Variants in CDKL5 observed in about 807,000 individuals in gnomAD.
The protein encoded by CDKL5 is cyclin dependent kinase like 5, also known as cyclin-dependent kinase-like 5.
CDKL5 carries 8 observed loss-of-function variants against 61.7 expected under a neutral mutation model. The observed-to-expected ratio is 0.13, with a 90% confidence interval of 0.08 to 0.23. CDKL5 has a LOEUF of 0.23. CDKL5 is among the 10% of genes least tolerant of loss of function. CDKL5 has a pLI of 1.00. For synonymous variants in CDKL5, 275 were observed against 272.3 expected (o/e 1.01, Z -0.10); for missense variants, 440 against 734.5 (o/e 0.60, Z 4.63).
chrX:18,438,190 C>A (rs1005754453), intron 1 of CDKL5, among the ~76,000 whole-genome samples: 1 of 110,929 alleles, frequency 9.0e-6, no homozygotes, highest in South Asian at 3.9e-4. Context: ...CTCAGCCTCC[C>A]GAGTAGCTGG....
At chrX:18,479,486 A>AT (rs1381057284) in intron 1 of CDKL5, among the ~76,000 whole-genome samples, 2 of 108,048 alleles carry the variant, frequency 1.9e-5, no homozygotes, top group African/African-American at 6.7e-5. Flanking sequence ...TGCCTGGCTA[A>AT]TTTTTTGTAT....
At chrX:18,535,333 C>T (rs1371740785) in intron 3 of CDKL5, 1 of 113,445 alleles carries the variant, frequency 8.8e-6, no homozygotes, top group Non-Finnish European at 1.9e-5. Flanking sequence ...TCTTCCCCCA[C>T]TCTTGTACCT....
chrX:18,598,316 CT>C (rs200255102), intron 10 of CDKL5, 145 bp from the exon 11 acceptor site: 15,832 of 286,654 alleles, frequency 0.055, 1 homozygote, highest in East Asian at 0.071. Flanking sequence ...TTTAGATAGT[CT>C]TTTTTTTTTT....
intron 6 of CDKL5, among the ~76,000 whole-genome samples, chrX:18,580,228 T>C (rs999776014): frequency 8.9e-6 from 1 of 112,139 alleles, no homozygotes; most frequent in Admixed American, 9.5e-5. Flanking sequence ...CCACTCCCAA[T>C]TGTAGAAATG....
At position 18,628,415 on chromosome X, in the gene CDKL5, G is replaced by A. The variant is rs781774964; in HGVS notation, c.2541G>A (p.Ser847=). The A allele has an allele frequency of 2.8e-5, 34 of 1,209,654 alleles. No homozygotes were observed. The highest frequency in any genetic ancestry group is 5.3e-5 in the South Asian group (3 of 56,833). Residue 847 remains serine, a synonymous_variant, in exon 18 of 18, where the codon TCG becomes TCA. Transcript: ENST00000623535. ...TGCGCAAGTTGTTACATCTCTCTTC[G>A]GCCTCAAATCACCCGGCTTCCTCAG... The part of the protein sequence containing the change: ...KSLRKLLHLS[S]ASNHPASSDP...
intron 1 of CDKL5, among the ~76,000 whole-genome samples, chrX:18,482,902 A>G (rs1243976735): frequency 8.9e-6 from 1 of 112,055 alleles, no homozygotes; most frequent in African/African-American, 3.2e-5. Flanking sequence ...CAGATAATAT[A>G]ATTGTCATCA....
In CDKL5 at chrX:18,553,945, T is replaced by G. The variant is rs1170677819; in HGVS notation, c.100-10532T>G. ...TTATAAGAGTTTTCTTAAAGTACTC[T>G]TAGCGTACCATTTAATTCTAATTTT... On this transcript the variant is annotated intron_variant, in intron 3 of 17. Transcript: ENST00000623535. Among the ~76,000 whole-genome samples, 3 of 111,542 alleles carry G rather than the reference T, an allele frequency of 2.7e-5. No individual in the cohort carries two copies. The East Asian group carries it at 8.3e-4, about 31-fold the overall frequency.
At chrX:18,436,301 G>T (rs1211486000) in intron 1 of CDKL5, among the ~76,000 whole-genome samples, 1 of 110,221 alleles carries the variant, frequency 9.1e-6, no homozygotes. Context: ...AAGGTGGAAG[G>T]GGAGGCAGGA....
intron 20 of CDKL5, chrX:18,646,186 C>G (rs1256776743): frequency 8.6e-7 from 1 of 1,162,916 alleles, no homozygotes. Context: ...GAGTCTTGCT[C>G]TGTCGCCCAG....
At chrX:18,520,621 C>T (rs763917847) in intron 3 of CDKL5, among the ~76,000 whole-genome samples, 1 of 111,972 alleles carries the variant, frequency 8.9e-6, no homozygotes, top group Admixed American at 9.5e-5. Context: ...AGTGGAAATG[C>T]CATGTTTAAT....
chrX:18,604,707 G>A lies in CDKL5; in HGVS notation c.1783G>A (p.Gly595Arg), dbSNP rs1926300201. 8.3e-7 allele frequency: 1 copy of A among 1,210,146 alleles called. No homozygotes were observed. The highest frequency in any genetic ancestry group is 1.1e-6 in the Non-Finnish European group (1 of 895,092). ...LSAPHESFSY[G>R]LGYTSPFSSQ... Reference sequence around the variant, plus strand: ...TGCACCTCACGAATCTTTTTCTTATGGACTGGGCTACACCAGCCCCTTTTC... The same window carrying A: ...TGCACCTCACGAATCTTTTTCTTATAGACTGGGCTACACCAGCCCCTTTTC... Residue 595 changes from glycine (G) to arginine (R), a missense_variant, in exon 12 of 18, where the codon GGA (glycine) becomes AGA (arginine). This residue lies in a region of CDKL5 where 363 missense variants were observed against 516.3 expected (regional missense o/e 0.70). Coordinates refer to ENST00000623535, the MANE Select transcript of CDKL5 (RefSeq NM_001323289.2).
chrX:18,604,549 T>C lies in CDKL5; in HGVS notation c.1625T>C (p.Leu542Pro). ...PTRHSDTRTL[L>P]SPSGRNNRNE... Reference sequence around the variant, plus strand: ...AGACACAGTGACACGAGAACTTTGCTCAGCCCTTCTGGAAGAAATAACCGA... The same window carrying C: ...AGACACAGTGACACGAGAACTTTGCCCAGCCCTTCTGGAAGAAATAACCGA... The change falls in exon 12 of 18, where the codon CTC (leucine) becomes CCC (proline). Residue 542 changes from leucine to proline, a missense_variant. This residue lies in a region of CDKL5 where 363 missense variants were observed against 516.3 expected (regional missense o/e 0.70). Coordinates refer to ENST00000623535, the MANE Select transcript of CDKL5 (RefSeq NM_001323289.2). 1 of 1,211,580 alleles carries C rather than the reference T, an allele frequency of 8.3e-7. No homozygotes were observed. The highest frequency in any genetic ancestry group is 1.1e-6 in the Non-Finnish European group (1 of 895,464).
At chrX:18,450,582 CT>C (rs1192684638) in intron 1 of CDKL5, among the ~76,000 whole-genome samples, 1 of 109,379 alleles carries the variant, frequency 9.1e-6, no homozygotes, top group African/African-American at 3.3e-5. Context: ...CATTTTGAGG[CT>C]TTTTTTTTGA....
chrX:18,476,472 C>T (rs1394381086), intron 1 of CDKL5, among the ~76,000 whole-genome samples: 1 of 112,022 alleles, frequency 8.9e-6, no homozygotes, highest in Non-Finnish European at 1.9e-5. Flanking sequence ...CTGCCTTGGC[C>T]TCCCAAAGTG....
At chrX:18,540,722 T>C (rs1209654226) in intron 3 of CDKL5, among the ~76,000 whole-genome samples, 3 of 107,866 alleles carry the variant, frequency 2.8e-5, no homozygotes, top group Non-Finnish European at 5.8e-5. Flanking sequence ...AGAGTCTTAC[T>C]CTGCCTCCAG....
At chrX:18,545,481 A>G (rs915850078) in intron 3 of CDKL5, among the ~76,000 whole-genome samples, 1 of 112,207 alleles carries the variant, frequency 8.9e-6, no homozygotes, top group Non-Finnish European at 1.9e-5. Flanking sequence ...ATGCCAGTAC[A>G]TTTAAATTCT....
At chrX:18,487,910 C>T (rs963608161) in intron 1 of CDKL5, among the ~76,000 whole-genome samples, 2 of 110,573 alleles carry the variant, frequency 1.8e-5, no homozygotes, top group African/African-American at 3.3e-5. Context: ...AGTGAGACTC[C>T]GTCTCGGGGG....
chrX:18,546,552 G>A (rs756431421), intron 3 of CDKL5, among the ~76,000 whole-genome samples: 1 of 111,930 alleles, frequency 8.9e-6, no homozygotes, highest in South Asian at 3.7e-4. Context: ...GTGAGCCATT[G>A]CACCCAAACA....
At chrX:18,589,243 T>G (rs1229175098) in intron 9 of CDKL5, 1 of 110,925 alleles carries the variant, frequency 9.0e-6, no homozygotes, top group South Asian at 3.9e-4. Context: ...CTGCACCCAT[T>G]AACTTGTCAT....
Sources: gnomAD v4.1 joint callset for allele counts (sites outside exome capture counted in the v4.1 genomes callset) on GRCh38, gnomAD v4.1.1 for gene constraint, gnomAD v4.1.1 regional missense constraint, MANE v1.5 for transcripts, NCBI Gene and HGNC (gene_info 2026-07-23, HGNC 2026-07-21) for gene names.